The following CDH23 variants were observed in gnomAD, a reference collection of about 807,000 sequenced individuals.
CDH23 encodes cadherin-23.
Under a neutral mutation model 317.1 loss-of-function variants are expected in CDH23, and 189 were observed. The ratio of observed to expected loss-of-function variants is 0.60; its 90% confidence interval spans 0.53 to 0.67. The LOEUF (loss-of-function observed/expected upper bound fraction) is 0.67. Among genes scored for constraint, CDH23 ranks in the 30% least tolerant of loss-of-function variants. The pLI is 0.00. For synonymous variants in CDH23, 1,839 were observed against 1,876.8 expected, an observed-to-expected ratio of 0.98 and a Z score of 0.52; for missense variants, 4,401 against 4,592.4, an observed-to-expected ratio of 0.96 and a Z score of 1.20.
chr10:71,485,277 G>A (rs1218928226), intron 3 of CDH23, among the ~76,000 whole-genome samples: 2 of 152,004 alleles, frequency 1.3e-5, no homozygotes, highest in Admixed American at 6.6e-5. Flanking sequence ...CACCTGCCTC[G>A]GCTTCCCAAA....
At position 71,662,080 on chromosome 10, in the gene CDH23, G is replaced by A. The variant is rs188652288; in HGVS notation, c.1450-13032G>A. Among the ~76,000 whole-genome samples, 222 of 151,422 alleles carry A rather than the reference G, an allele frequency of 1.5e-3. 3 individuals are homozygous for A. Among genetic ancestry groups the A allele is most frequent in the Admixed American group, 0.011 (164 of 15,190 alleles). On this transcript the variant is annotated intron_variant, in intron 14 of 69. Transcript: ENST00000224721. ...AGATCATGGGTGATTTATATTTCCC[G>A]CGTGGGACTTTGACCTTAATTTCTT...
intron 1 of CDH23, among the ~76,000 whole-genome samples, chr10:71,427,433 C>T (rs1357947655): frequency 6.6e-6 from 1 of 152,108 alleles, no homozygotes; most frequent in Non-Finnish European, 1.5e-5. Flanking sequence ...TGGCTGGTGG[C>T]GTCAGGTTCT....
intron 11 of CDH23, among the ~76,000 whole-genome samples, chr10:71,623,691 TAAGGTGTTTTCAGA>T (rs1281460116): frequency 2.0e-5 from 3 of 152,168 alleles, no homozygotes; most frequent in Non-Finnish European, 4.4e-5. Context: ...ATTTTCCTCT[TAAGGTGTTTTCAGA>T]AAGCTGGAGA....
At chr10:71,689,054 TGGTGGA>T (rs1865062528) in intron 19 of CDH23, among the ~76,000 whole-genome samples, 2 of 129,590 alleles carry the variant, frequency 1.5e-5, no homozygotes, top group African/African-American at 5.5e-5. Flanking sequence ...GAGCCAGGGA[TGGTGGA>T]GCCAGGGGTG....
intron 9 of CDH23, among the ~76,000 whole-genome samples, chr10:71,594,791 C>T (rs1859730082): frequency 6.6e-6 from 1 of 152,190 alleles, no homozygotes; most frequent in South Asian, 2.1e-4. Context: ...CACTCTGCAT[C>T]AGTTAGAAGC....
chr10:71,510,703 G>A (rs1439859924), intron 4 of CDH23, among the ~76,000 whole-genome samples: 1 of 152,094 alleles, frequency 6.6e-6, no homozygotes, highest in Non-Finnish European at 1.5e-5. Context: ...CATCTTAGAG[G>A]CAGAGCCAAG....
rs1319802062 is a variant in CDH23, at chr10:71,403,446, TTCCTTCCTTTCCTTCCTTCCTTCC to T, written c.-6+6130_-6+6153del. 2.4e-3 allele frequency among the ~76,000 whole-genome samples: 161 copies of T among 66,688 alleles called. 12 individuals carry two copies. Among genetic ancestry groups the T allele is most frequent in the African/African-American group, 0.015 (145 of 9,832 alleles). 43.7% of individuals were successfully genotyped at this position (66,688 alleles called of 152,430 possible). A position where few individuals can be genotyped will look rare whatever the true frequency, so the allele number is the denominator to read the frequency against. ...CTTCCTTCCTTCCTTCCTTCCTTCCTTCCTTCCTTTCCTTCCTTCCTTCCTTCCTTCCTTCCTTCCTTCCTTCCT... is the reference window on the plus strand; with the variant it reads ...CTTCCTTCCTTCCTTCCTTCCTTCCTTTCCTTCCTTCCTTCCTTCCTTCCT... On this transcript the variant is annotated intron_variant, in intron 1 of 69. Transcript: ENST00000224721.
At chr10:71,601,448 G>C (rs573744150) in intron 9 of CDH23, among the ~76,000 whole-genome samples, 1 of 152,154 alleles carries the variant, frequency 6.6e-6, no homozygotes, top group Non-Finnish European at 1.5e-5. Flanking sequence ...TTAAAGAAAC[G>C]CAAGCCCAGA....
At chr10:71,634,867 G>T (rs956567736) in intron 11 of CDH23, among the ~76,000 whole-genome samples, 1 of 152,244 alleles carries the variant, frequency 6.6e-6, no homozygotes, top group Admixed American at 6.5e-5. Flanking sequence ...CATACCCATG[G>T]GCGTGATTGA....
chr10:71,467,553 A>G (rs1003600205), intron 3 of CDH23, among the ~76,000 whole-genome samples: 32 of 152,264 alleles, frequency 2.1e-4, no homozygotes, highest in Admixed American at 2.1e-3. Context: ...GCAGTGCGCC[A>G]TAGTGGTTAG....
intron 3 of CDH23, among the ~76,000 whole-genome samples, chr10:71,502,931 G>T (rs1338000496): frequency 6.6e-6 from 1 of 152,206 alleles, no homozygotes; most frequent in African/African-American, 2.4e-5. Context: ...AGAGTTTCTG[G>T]CCCGCCCCTC....
chr10:71,603,501 G>A (rs1189260922), intron 9 of CDH23, among the ~76,000 whole-genome samples: 2 of 152,180 alleles, frequency 1.3e-5, no homozygotes, highest in East Asian at 3.9e-4. Flanking sequence ...GGGACCTGGG[G>A]CACCTTGGCT....
intron 3 of CDH23, among the ~76,000 whole-genome samples, chr10:71,457,567 C>T (rs1021919496): frequency 4.6e-5 from 7 of 152,172 alleles, no homozygotes; most frequent in Non-Finnish European, 8.8e-5. Flanking sequence ...CCACATGGGG[C>T]AGGTGCTGGG....
rs1841601483 is a variant in CDH23 at position 71,803,020 on chromosome 10, C to T, written c.7605C>T (p.Asp2535=). Residue 2535 remains aspartate (D), a synonymous_variant, in exon 54 of 70, where the codon GAC becomes GAT. Coordinates refer to ENST00000224721, the MANE Select transcript of CDH23 (RefSeq NM_022124.6). ...CGGTCATCACCATGATGGCCACTGA[C>T]CAGGATGAAGGTCCCAATGGAGAGT... The part of the protein sequence containing the change: ...GTSVITMMAT[D]QDEGPNGELT... 6.2e-7 allele frequency: 1 copy of T among 1,613,964 alleles called. No individual in the cohort carries two copies. Among genetic ancestry groups the T allele is most frequent in the East Asian group, 2.2e-5 (1 of 44,886 alleles).
chr10:71,756,124 G>A (rs1211482033), intron 38 of CDH23, among the ~76,000 whole-genome samples: 5 of 152,024 alleles, frequency 3.3e-5, no homozygotes, highest in Admixed American at 2.6e-4. Flanking sequence ...CTTGTACAAT[G>A]TTTTTCAATT....
At chr10:71,737,267 T>A (rs964239284) in intron 34 of CDH23, among the ~76,000 whole-genome samples, 18 of 152,188 alleles carry the variant, frequency 1.2e-4, no homozygotes, top group Non-Finnish European at 2.1e-4. Flanking sequence ...GAAGAGTAGG[T>A]GCCACCCCTT....
At chr10:71,518,980 C>G (rs1363221420) in intron 6 of CDH23, among the ~76,000 whole-genome samples, 1 of 152,234 alleles carries the variant, frequency 6.6e-6, no homozygotes, top group Non-Finnish European at 1.5e-5. Context: ...CCCACAGCAC[C>G]ACGAAAGAGG....
chr10:71,804,602 A>T (rs1265504698), intron 55 of CDH23, among the ~76,000 whole-genome samples: 3 of 152,146 alleles, frequency 2.0e-5, no homozygotes, highest in African/African-American at 7.2e-5. Context: ...TTGTGCCTTT[A>T]CCAGGTGCTT....
In CDH23 at chr10:71,510,998, GGGGGTGAGTGTTCCCT is replaced by G; in HGVS notation, c.336+2_336+17del. 1 of 1,613,870 alleles carries G rather than the reference GGGGGTGAGTGTTCCCT, an allele frequency of 6.2e-7. No individual in the cohort carries two copies. The highest frequency in any genetic ancestry group is 8.5e-7 in the Non-Finnish European group (1 of 1,179,782). On this transcript the variant is annotated splice_donor_variant and splice_donor_5th_base_variant and coding_sequence_variant and intron_variant, in exon 5 of 70. Transcript: ENST00000224721. LOFTEE classifies it high-confidence loss of function. ...TGGAGTTCTCTGTCAGCGACCACCA[GGGGGTGAGTGTTCCCT>G]GGGGCCCTGGAGGCATGTTCCTGGG...
Sources: allele counts gnomAD v4.1 joint callset (sites outside exome capture counted in the v4.1 genomes callset), GRCh38; gene constraint gnomAD v4.1.1; transcripts MANE v1.5; gene names NCBI Gene and HGNC (gene_info 2026-07-23, HGNC 2026-07-21).